Variants in KANSL3 observed in about 807,000 individuals in gnomAD.
KANSL3 encodes the protein KAT8 regulatory NSL complex subunit 3.
A neutral mutation model predicts 89.2 loss-of-function variants in KANSL3; 16 were observed. The ratio of observed to expected loss-of-function variants is 0.18; its 90% CI spans 0.12 to 0.27. KANSL3 has a LOEUF of 0.27. Ranked by LOEUF, KANSL3 falls within the 10% of genes least tolerant of loss-of-function variation. KANSL3 has a pLI of 1.00. For missense variants in KANSL3, 879 were observed against 1,110.6 expected (o/e 0.79, Z 2.96); for synonymous variants, 385 against 419.7 (o/e 0.92, Z 1.01).
In KANSL3 at chr2:96,609,145, C is replaced by T. The variant is rs2068464095; in HGVS notation, c.1384-81G>A. 9.6e-6 allele frequency: 12 copies of T among 1,252,814 alleles called. No individual in the cohort carries two copies. In the East Asian group the frequency reaches 3.1e-4, roughly 32 times the overall value. 77.6% of individuals were successfully genotyped at this position (1,252,814 alleles called of 1,614,324 possible). Reference sequence around the variant, plus strand: ...CCTCTCATATACTTTCCAACTAAAACAGATTCTCCCTCAGCTCTGGCATCC... The same window carrying T: ...CCTCTCATATACTTTCCAACTAAAATAGATTCTCCCTCAGCTCTGGCATCC... On this transcript the variant is annotated intron_variant, in intron 12 of 20. Transcript: ENST00000431828.
intron 4 of KANSL3, 47 bp downstream of exon 4, chr2:96,619,625 G>C: frequency 1.3e-6 from 2 of 1,597,032 alleles, no homozygotes; most frequent in Non-Finnish European, 1.7e-6. Context: ...AGCCAGTGAG[G>C]CCTGAACTAC....
Position 96,631,420 on chromosome 2 carries a change from T to C in KANSL3, c.278A>G (p.Asn93Ser), listed in dbSNP as rs758133394. 8.7e-6 allele frequency: 14 copies of C among 1,601,520 alleles called. No individual in the cohort carries two copies. Among genetic ancestry groups the C allele is most frequent in the Non-Finnish European group, 1.2e-5 (14 of 1,173,742 alleles). ...ATTCATCACGCTGCGTGCCTTCTGA[T>C]TGTCATAGAGTGGCATAGGCGTTGA... ...VTSTPMPLYDNQKARSVMNEC... is the reference protein window; with the variant it reads ...VTSTPMPLYDSQKARSVMNEC... The change falls in exon 3 of 21, where the codon AAT becomes AGT. Residue 93 changes from asparagine to serine, a missense_variant. Asn to Ser is a conservative substitution (Grantham distance 46, BLOSUM62 1). Around this residue, in one of 6 missense-constraint regions of KANSL3, gnomAD observed 210 missense variants for 311.9 expected, o/e 0.67. Transcript: ENST00000431828.
intron 2 of KANSL3, among the ~76,000 whole-genome samples, chr2:96,633,200 G>C (rs968710192): frequency 6.6e-6 from 1 of 151,760 alleles, no homozygotes; most frequent in South Asian, 2.1e-4. Flanking sequence ...GGACGTTGCA[G>C]TGAGCCAAAA....
downstream of KANSL3, among the ~76,000 whole-genome samples, chr2:96,592,276 AT>A (rs1367016206): frequency 9.2e-5 from 14 of 152,168 alleles, no homozygotes; most frequent in Admixed American, 2.6e-4. Flanking sequence ...GTGACCTGGA[AT>A]TTAGGGGTTA....
chr2:96,615,619 A>G, intron 5 of KANSL3: 1 of 699,440 alleles, frequency 1.4e-6, no homozygotes, highest in Non-Finnish European at 2.2e-6. Flanking sequence ...AAATTGGAGA[A>G]TAAAAAGTAC....
chr2:96,617,327 A>C (rs1196612888), intron 5 of KANSL3, among the ~76,000 whole-genome samples: 1 of 152,216 alleles, frequency 6.6e-6, no homozygotes, highest in East Asian at 1.9e-4. Flanking sequence ...TTAGTTAAAC[A>C]AAAAAACTAG....
chr2:96,583,526 C>T, the KANSL3 span, among the ~76,000 whole-genome samples: 5 of 152,122 alleles, frequency 3.3e-5, no homozygotes, highest in Non-Finnish European at 7.4e-5. Flanking sequence ...ACCGTGTAGT[C>T]TTTTGGGTCC....
chr2:96,616,778 G>A (rs899591779), intron 5 of KANSL3, among the ~76,000 whole-genome samples: 1 of 152,118 alleles, frequency 6.6e-6, no homozygotes, highest in Admixed American at 6.5e-5. Context: ...AACCCACACC[G>A]TGGCCCAGCA....
intron 20 of KANSL3, 35 bp downstream of exon 20, chr2:96,601,608 A>C: frequency 6.2e-7 from 1 of 1,603,830 alleles, no homozygotes; most frequent in Non-Finnish European, 8.5e-7. Flanking sequence ...CCCAATAATG[A>C]AGCCCATGTC....
In KANSL3 at chr2:96,605,350, A is replaced by G; in HGVS notation, c.1903T>C (p.Cys635Arg). 1 of 1,613,096 alleles carries G rather than the reference A, an allele frequency of 6.2e-7. No individual in the cohort carries two copies. The highest frequency in any genetic ancestry group is 8.5e-7 in the Non-Finnish European group (1 of 1,179,572). Residue 635 changes from cysteine to arginine, a missense_variant, in exon 15 of 21, where the codon TGT (cysteine) becomes CGT (arginine). Cys to Arg is a radical substitution (Grantham distance 180, BLOSUM62 -3). Around this residue, in one of 6 missense-constraint regions of KANSL3, gnomAD observed 317 missense variants for 311.2 expected, o/e 1.02. Transcript: ENST00000431828. ...ISQGDTAGGP[C>R]APSQGSAPEA... ...GGAGCACTTCCTTGGGAAGGAGCACAAGGCCCTCCAGCTGTGTCCCCTTGG... is the reference window on the plus strand; with the variant it reads ...GGAGCACTTCCTTGGGAAGGAGCACGAGGCCCTCCAGCTGTGTCCCCTTGG...
At position 96,619,524 on chromosome 2, in the gene KANSL3, C is replaced by T. The variant is rs1425063008; in HGVS notation, c.498G>A (p.Leu166=). ...ANEGACNEPV[L]RRVAVDKCAR... ...CACACTTGTCCACAGCAACACGGCG[C>T]AGCACTGGCTCATTACAAGCCTGAA... is the stretch of plus-strand genomic sequence containing the variant. Residue 166 remains leucine (L), a synonymous_variant, in exon 5 of 21, where the codon CTG becomes CTA. Coordinates refer to ENST00000431828, the MANE Select transcript of KANSL3 (RefSeq NM_001115016.3). 6.2e-7 allele frequency: 1 copy of T among 1,613,888 alleles called. No homozygotes were observed. The highest frequency in any genetic ancestry group is 2.2e-5 in the East Asian group (1 of 44,870).
intron 2 of KANSL3, among the ~76,000 whole-genome samples, chr2:96,633,150 A>T (rs556101773): frequency 6.6e-6 from 1 of 151,510 alleles, no homozygotes; most frequent in Admixed American, 6.6e-5. Flanking sequence ...TCCCAGCTAC[A>T]TGGGAGGCTG....
At chr2:96,609,251 G>A (rs1313765371) in intron 12 of KANSL3, among the ~76,000 whole-genome samples, 187 bp from the exon 13 acceptor site, 1 of 152,220 alleles carries the variant, frequency 6.6e-6, no homozygotes, top group Non-Finnish European at 1.5e-5. Context: ...AAGAAGACCA[G>A]CAAGTGCCTC....
intron 19 of KANSL3, 135 bp downstream of exon 19, chr2:96,601,981 C>T: frequency 8.6e-7 from 1 of 1,164,442 alleles, no homozygotes; most frequent in Non-Finnish European, 1.2e-6. Context: ...TGGGTCCACA[C>T]AGCTGAATCC....
At chr2:96,622,915 T>C (rs2071570938) in intron 3 of KANSL3, among the ~76,000 whole-genome samples, 1 of 152,226 alleles carries the variant, frequency 6.6e-6, no homozygotes, top group Non-Finnish European at 1.5e-5. Flanking sequence ...CACCTTCTGC[T>C]GAGGCTTGCT....
Position 96,631,492 on chromosome 2 carries a change from G to A in KANSL3, c.216-10C>T. The A allele has an allele frequency of 3.2e-6, 5 of 1,558,292 alleles. No homozygotes were observed. Among genetic ancestry groups the A allele is most frequent in the Non-Finnish European group, 4.3e-6 (5 of 1,150,358 alleles). ...TGGGACGTCTGATTCACTGTAAACA[G>A]GTGAGGAAATAGGACCGGGCCACAC... On this transcript the variant is annotated splice_polypyrimidine_tract_variant and intron_variant, in intron 2 of 20. Coordinates refer to ENST00000431828, the MANE Select transcript of KANSL3 (RefSeq NM_001115016.3).
rs765325403 is a variant in KANSL3, at chr2:96,612,282, A to G, written c.1086T>C (p.His362=). 5 of 1,607,726 alleles carry G rather than the reference A, an allele frequency of 3.1e-6. No individual in the cohort carries two copies. Among genetic ancestry groups the G allele is most frequent in the South Asian group, 2.2e-5 (2 of 90,974 alleles). Residue 362 remains histidine, a splice_region_variant and synonymous_variant, in exon 9 of 21, where the codon CAT becomes CAC. Transcript: ENST00000431828. The part of the protein sequence containing the change: ...GWNTGALVAC[H]VSVMEYVTAV... ...TCCAAATAAGATAGAAATTACTTAC[A>G]TGACAGGCCACCAAAGCTCCTGTGT...
chr2:96,620,582 C>T (rs529741592), intron 3 of KANSL3, among the ~76,000 whole-genome samples: 7 of 152,276 alleles, frequency 4.6e-5, no homozygotes, highest in Admixed American at 3.3e-4. Context: ...CCCTTCACCC[C>T]ACTCCCAGCA....
intron 14 of KANSL3, 25 bp from the exon 15 acceptor site, chr2:96,605,536 T>A: frequency 6.3e-7 from 1 of 1,588,108 alleles, no homozygotes; most frequent in African/African-American, 1.3e-5. Flanking sequence ...TGAGTTGAGA[T>A]CCTCCACAAT....
Sources: allele counts gnomAD v4.1 joint callset (sites outside exome capture counted in the v4.1 genomes callset), GRCh38; gene constraint gnomAD v4.1.1; regional missense constraint gnomAD v4.1.1; transcripts MANE v1.5; gene names NCBI Gene and HGNC (gene_info 2026-07-23, HGNC 2026-07-21).